The following PCBP3 variants were observed in gnomAD, a reference collection of about 807,000 sequenced individuals.
The protein encoded by PCBP3 is poly(rC)-binding protein 3.
Under a neutral mutation model 52.7 loss-of-function variants are expected in PCBP3, and 25 were observed. The ratio of observed to expected loss-of-function variants is 0.47; its 90% CI spans 0.35 to 0.66. The LOEUF (loss-of-function observed/expected upper bound fraction) is 0.66, where lower values mean the gene tolerates loss of function less well. Ranked by LOEUF, PCBP3 falls within the 30% of genes least tolerant of loss-of-function variation. The probability of loss-of-function intolerance (pLI) is 0.01; values close to 1 mark genes in which losing one functional copy is unlikely to be tolerated. For missense variants in PCBP3, 391 were observed against 490.3 expected, an observed-to-expected ratio of 0.80 and a Z score of 1.91; for synonymous variants, 162 against 183.0, an observed-to-expected ratio of 0.89 and a Z score of 0.93.
At chr21:45,836,626 C>T (rs890263879) in intron 4 of PCBP3, among the ~76,000 whole-genome samples, 1 of 151,988 alleles carries the variant, frequency 6.6e-6, no homozygotes, top group Non-Finnish European at 1.5e-5. Context: ...GCATAGCTTT[C>T]TCATGAACAG....
intron 4 of PCBP3, among the ~76,000 whole-genome samples, chr21:45,775,489 C>CT (rs997538175): frequency 6.6e-6 from 1 of 152,170 alleles, no homozygotes; most frequent in African/African-American, 2.4e-5. Flanking sequence ...ATGATCACAG[C>CT]TCACTGCAGC....
At chr21:45,818,759 C>T (rs1443714330) in intron 4 of PCBP3, among the ~76,000 whole-genome samples, 1 of 152,192 alleles carries the variant, frequency 6.6e-6, no homozygotes, top group Admixed American at 6.5e-5. Flanking sequence ...TGGAAGCAAC[C>T]AAGACATCCT....
chr21:45,897,424 G>A (rs982494119), intron 6 of PCBP3, among the ~76,000 whole-genome samples: 3 of 152,234 alleles, frequency 2.0e-5, no homozygotes, highest in African/African-American at 7.2e-5. Context: ...GCCGTTGGCA[G>A]GAACGTGGCA....
intron 1 of PCBP3, among the ~76,000 whole-genome samples, chr21:45,661,610 A>G (rs962352875): frequency 1.3e-5 from 2 of 152,228 alleles, no homozygotes; most frequent in Non-Finnish European, 1.5e-5. Flanking sequence ...GTGCTGTAAT[A>G]ACATACGAGT....
intron 4 of PCBP3, among the ~76,000 whole-genome samples, chr21:45,831,408 C>CAAAAAA (rs59400163): frequency 1.1e-3 from 91 of 86,574 alleles, no homozygotes; most frequent in African/African-American, 3.8e-3. Flanking sequence ...GATGCTGTCT[C>CAAAAAA]AAAAAAAAAA....
chr21:45,645,570 A>T (rs913472856), intron 1 of PCBP3, among the ~76,000 whole-genome samples: 5 of 152,200 alleles, frequency 3.3e-5, no homozygotes, highest in Non-Finnish European at 5.9e-5. Context: ...TATGCGAAAA[A>T]GTTCAACATA....
At chr21:45,753,209 C>T (rs1171761698) in intron 3 of PCBP3, among the ~76,000 whole-genome samples, 1 of 143,206 alleles carries the variant, frequency 7.0e-6, no homozygotes, top group Non-Finnish European at 1.5e-5. Flanking sequence ...TTCAAATATG[C>T]TGGTATGATT....
At chr21:45,835,448 T>G (rs545594137) in intron 4 of PCBP3, among the ~76,000 whole-genome samples, 1 of 152,276 alleles carries the variant, frequency 6.6e-6, no homozygotes, top group East Asian at 1.9e-4. Flanking sequence ...TACACCTCCC[T>G]GCCGGCCGTC....
chr21:45,738,873 C>G (rs1242056481), intron 3 of PCBP3, among the ~76,000 whole-genome samples: 1 of 137,286 alleles, frequency 7.3e-6, no homozygotes, highest in Non-Finnish European at 1.6e-5. Flanking sequence ...GGGTAGCCCC[C>G]CTATCTTCAT....
In PCBP3 at chr21:45,802,286, C is replaced by T. The variant is rs577628815; in HGVS notation, c.-126+46834C>T. 2.6e-5 allele frequency among the ~76,000 whole-genome samples: 4 copies of T among 152,060 alleles called. No homozygotes were observed. The highest frequency in any genetic ancestry group is 4.8e-5 in the African/African-American group (2 of 41,400). ...TGGGGCTGGGGGTGAGCTAGCTGTCCGGCCCCTGCGTCAGCACCACCCCTT... is the reference window on the plus strand; with the variant it reads ...TGGGGCTGGGGGTGAGCTAGCTGTCTGGCCCCTGCGTCAGCACCACCCCTT... On this transcript the variant is annotated intron_variant, in intron 4 of 17. Coordinates refer to ENST00000681687, the MANE Select transcript of PCBP3 (RefSeq NM_001384156.1). This position sits in a 1 kb window ranked among gnomAD's most constrained non-coding sequence, Gnocchi z 5.1.
At chr21:45,891,385 G>GT (rs1201339429) in intron 5 of PCBP3, among the ~76,000 whole-genome samples, 1 of 152,212 alleles carries the variant, frequency 6.6e-6, no homozygotes, top group African/African-American at 2.4e-5. Context: ...GCCAGTGGTG[G>GT]TTTTTTCCCA....
At chr21:45,900,656 C>A in intron 8 of PCBP3, 33 bp downstream of exon 8, 3 of 838,952 alleles carry the variant, frequency 3.6e-6, no homozygotes, top group Non-Finnish European at 6.0e-6. Flanking sequence ...TGTCCGCAGC[C>A]ATTCCCGGGT....
Position 45,790,307 on chromosome 21 carries a change from C to T in PCBP3, c.-126+34855C>T, listed in dbSNP as rs115624309. Among the ~76,000 whole-genome samples the T allele has an allele frequency of 4.9e-3, 742 of 152,166 alleles. 6 individuals are homozygous for T. The highest frequency in any genetic ancestry group is 0.017 in the African/African-American group (711 of 41,542). ...ACCTTCAAACAGAGTGGAGGAAGTA[C>T]TTGTGGGACAGGGGAGGTGAGGTGA... On this transcript the variant is annotated intron_variant, in intron 4 of 17. Transcript: ENST00000681687.
chr21:45,750,701 A>T (rs1037956388), intron 3 of PCBP3: 1 of 152,106 alleles, frequency 6.6e-6, no homozygotes, highest in African/African-American at 2.4e-5. Context: ...AGTCCACCAG[A>T]TGTTTGAAGG....
chr21:45,852,719 A>C (rs908408444), intron 5 of PCBP3, among the ~76,000 whole-genome samples: 2 of 152,120 alleles, frequency 1.3e-5, no homozygotes, highest in Non-Finnish European at 2.9e-5. Context: ...ATTTTTGTTC[A>C]GAAGGAACAC....
intron 3 of PCBP3, among the ~76,000 whole-genome samples, chr21:45,743,255 G>A (rs2086580988): frequency 6.6e-6 from 1 of 152,136 alleles, no homozygotes; most frequent in Non-Finnish European, 1.5e-5. Flanking sequence ...GTGGTCACAT[G>A]TTAAAATGGT....
intron 2 of PCBP3, among the ~76,000 whole-genome samples, chr21:45,721,733 T>G (rs2084656134): frequency 6.6e-6 from 1 of 152,206 alleles, no homozygotes; most frequent in Non-Finnish European, 1.5e-5. Context: ...CACTTTCCTG[T>G]CGAATTTCAC....
chr21:45,675,237 A>C (rs1165115159), intron 2 of PCBP3, among the ~76,000 whole-genome samples: 1 of 152,192 alleles, frequency 6.6e-6, no homozygotes, highest in South Asian at 2.1e-4. Flanking sequence ...GTGAGCACAC[A>C]TGATGGGGAG....
intron 2 of PCBP3, among the ~76,000 whole-genome samples, chr21:45,700,161 C>T (rs1172530875): frequency 1.3e-5 from 2 of 152,130 alleles, no homozygotes; most frequent in Non-Finnish European, 2.9e-5. Flanking sequence ...TCCCTGGGTG[C>T]TTCTGCTCTG....
Sources: gnomAD v4.1 joint callset for allele counts (sites outside exome capture counted in the v4.1 genomes callset) on GRCh38, gnomAD v4.1.1 for gene constraint, Gnocchi (gnomAD v3.1) non-coding constraint, MANE v1.5 for transcripts, NCBI Gene and HGNC (gene_info 2026-07-23, HGNC 2026-07-21) for gene names.